The following GRID2 variants were observed in gnomAD, a reference collection of about 807,000 sequenced individuals.
GRID2 encodes glutamate receptor ionotropic, delta-2.
In GRID2, 33 loss-of-function variants were observed where a neutral mutation model predicts 114.8. The observed-to-expected ratio is 0.29, with a 90% CI of 0.22 to 0.38. The LOEUF is 0.38. Among genes scored for constraint, GRID2 ranks in the 10% least tolerant of loss-of-function variants. GRID2 has a pLI of 1.00. For synonymous variants in GRID2, 505 were observed against 449.9 expected, an observed-to-expected ratio of 1.12 and a Z score of -1.55; for missense variants, 1,184 against 1,257.7, an observed-to-expected ratio of 0.94 and a Z score of 0.89.
intron 1 of GRID2, among the ~76,000 whole-genome samples, chr4:92,541,054 A>T (rs918900073): frequency 6.6e-6 from 1 of 152,176 alleles, no homozygotes; most frequent in African/African-American, 2.4e-5. Flanking sequence ...CAAAAAACCA[A>T]ACACCACATG....
At chr4:93,623,645 C>G (rs1040055448) in intron 13 of GRID2, among the ~76,000 whole-genome samples, 1 of 152,140 alleles carries the variant, frequency 6.6e-6, no homozygotes, top group Non-Finnish European at 1.5e-5. Context: ...CTATGGAATA[C>G]TATGCAGTCT....
chr4:92,939,099 C>T (rs1750895487), intron 2 of GRID2, among the ~76,000 whole-genome samples: 1 of 147,124 alleles, frequency 6.8e-6, no homozygotes, highest in Non-Finnish European at 1.5e-5. Context: ...ATGGCTGGGT[C>T]AAATGGTATT....
intron 3 of GRID2, among the ~76,000 whole-genome samples, chr4:93,109,196 C>A (rs1579012632): frequency 6.6e-6 from 1 of 152,180 alleles, no homozygotes; most frequent in South Asian, 2.1e-4. Context: ...ATTATTCCAC[C>A]TCTTTTATCT....
At chr4:92,891,031 C>A (rs1188501012) in intron 2 of GRID2, among the ~76,000 whole-genome samples, 1 of 152,090 alleles carries the variant, frequency 6.6e-6, no homozygotes, top group Non-Finnish European at 1.5e-5. Flanking sequence ...CTAAATTCCT[C>A]ATGTTCTCAC....
chr4:93,510,096 C>T (rs1729017710), intron 12 of GRID2, among the ~76,000 whole-genome samples: 1 of 152,104 alleles, frequency 6.6e-6, no homozygotes, highest in Admixed American at 6.5e-5. Flanking sequence ...CCACTGTTAG[C>T]CCTTTTGCCT....
intron 4 of GRID2, among the ~76,000 whole-genome samples, chr4:93,197,443 T>C (rs1741608857): frequency 6.6e-6 from 1 of 152,190 alleles, no homozygotes; most frequent in African/African-American, 2.4e-5. Context: ...AGTTATTATC[T>C]ACGTGTGTGT....
chr4:92,539,189 T>C (rs927708846), intron 1 of GRID2, among the ~76,000 whole-genome samples: 1 of 152,188 alleles, frequency 6.6e-6, no homozygotes. Flanking sequence ...TTTCTTGAGA[T>C]AGATAACATA....
intron 8 of GRID2, among the ~76,000 whole-genome samples, chr4:93,283,323 A>T (rs1350352058): frequency 1.3e-5 from 2 of 152,048 alleles, no homozygotes; most frequent in Non-Finnish European, 2.9e-5. Flanking sequence ...AGTTGCTTTT[A>T]AAAAATACAA....
At chr4:93,776,783 A>G (rs10011270), downstream of GRID2, among the ~76,000 whole-genome samples, 64,171 of 152,062 alleles carry the variant, frequency 0.42, 13,934 homozygotes, top group Middle Eastern at 0.55. Flanking sequence ...GAAAATTCCT[A>G]TAAGCCACAG....
intron 2 of GRID2, among the ~76,000 whole-genome samples, chr4:92,958,336 T>C (rs1752565621): frequency 6.6e-6 from 1 of 152,060 alleles, no homozygotes; most frequent in African/African-American, 2.4e-5. Context: ...GACTGAGAGA[T>C]TTTATGATGA....
intron 1 of GRID2, among the ~76,000 whole-genome samples, chr4:92,535,384 C>G (rs1399077848): frequency 6.6e-6 from 1 of 152,052 alleles, no homozygotes; most frequent in Non-Finnish European, 1.5e-5. Flanking sequence ...ATGATTAATG[C>G]AATCCTTAAA....
chr4:93,753,506 A>G (rs1484712851), intron 14 of GRID2, among the ~76,000 whole-genome samples: 2 of 151,448 alleles, frequency 1.3e-5, no homozygotes, highest in Non-Finnish European at 2.9e-5. Context: ...CCCCTACCCC[A>G]TGACAGGCCC....
At chr4:92,342,953 A>G (rs1471476761) in intron 1 of GRID2, among the ~76,000 whole-genome samples, 1 of 152,216 alleles carries the variant, frequency 6.6e-6, no homozygotes, top group Non-Finnish European at 1.5e-5. Context: ...CAATTGTGGC[A>G]TAGTGTAATA....
In GRID2 at chr4:92,815,249, G is replaced by A. The variant is rs549162665; in HGVS notation, c.244+224963G>A. On this transcript the variant is annotated intron_variant, in intron 2 of 15. Coordinates refer to ENST00000282020, the MANE Select transcript of GRID2 (RefSeq NM_001510.4). ...CACAAGATATATCCTAAGCATTAAAGATAACTGTGTTACATAAGTGCACAT... is the reference window on the plus strand; with the variant it reads ...CACAAGATATATCCTAAGCATTAAAAATAACTGTGTTACATAAGTGCACAT... Among the ~76,000 whole-genome samples, 15 of 152,164 alleles carry A rather than the reference G, an allele frequency of 9.9e-5. No individual in the cohort carries two copies. The South Asian group carries it at 2.3e-3, about 23-fold the overall frequency.
chr4:93,298,800 T>C (rs1754574334), intron 8 of GRID2, among the ~76,000 whole-genome samples: 1 of 152,236 alleles, frequency 6.6e-6, no homozygotes. Flanking sequence ...GAGGTAACTT[T>C]CACATTAACT....
chr4:93,014,062 G>T (rs551527052), intron 2 of GRID2, among the ~76,000 whole-genome samples: 1 of 152,026 alleles, frequency 6.6e-6, no homozygotes, highest in Non-Finnish European at 1.5e-5. Flanking sequence ...TGAGCACTTT[G>T]TGGAGAGAAA....
chr4:92,352,327 TA>T (rs1338540111), intron 1 of GRID2, among the ~76,000 whole-genome samples: 1 of 131,848 alleles, frequency 7.6e-6, no homozygotes, highest in Non-Finnish European at 1.6e-5. Context: ...TGCCAAATGT[TA>T]AATTGGATTA....
At chr4:93,478,017 C>T (rs1460375542) in intron 11 of GRID2, among the ~76,000 whole-genome samples, 1 of 152,022 alleles carries the variant, frequency 6.6e-6, no homozygotes, top group African/African-American at 2.4e-5. Flanking sequence ...TTTACTGTTA[C>T]TTAACATACA....
intron 2 of GRID2, among the ~76,000 whole-genome samples, chr4:92,655,552 C>A (rs1048054800): frequency 5.3e-5 from 8 of 151,724 alleles, no homozygotes; most frequent in African/African-American, 1.9e-4. Context: ...TAATTTCTTT[C>A]ACTGGTGTTT....
Sources: gnomAD v4.1 joint callset for allele counts (sites outside exome capture counted in the v4.1 genomes callset) on GRCh38, gnomAD v4.1.1 for gene constraint, MANE v1.5 for transcripts, NCBI Gene and HGNC (gene_info 2026-07-23, HGNC 2026-07-21) for gene names.